Variants in AAK1 observed in about 807,000 individuals in gnomAD.
AAK1 encodes the protein AP2-associated protein kinase 1.
AAK1 carries 37 observed loss-of-function variants against 116.0 expected under a neutral mutation model. That is an observed-to-expected ratio of 0.32 (90% CI 0.25 to 0.42). The LOEUF (loss-of-function observed/expected upper bound fraction) is 0.42, where lower values mean the gene tolerates loss of function less well. Among genes scored for constraint, AAK1 ranks in the 10% least tolerant of loss-of-function variants. AAK1 has a pLI of 1.00. For synonymous variants in AAK1, 458 were observed against 439.9 expected, an observed-to-expected ratio of 1.04 and a Z score of -0.51; for missense variants, 919 against 1,170.6, an observed-to-expected ratio of 0.79 and a Z score of 3.14.
intron 2 of AAK1, chr2:69,597,212 A>T (rs1172855712): frequency 1.3e-5 from 2 of 151,948 alleles, no homozygotes; most frequent in East Asian, 3.9e-4. Context: ...TTTTGGTGGC[A>T]TTATTTTTGA....
chr2:69,604,611 CA>C (rs1673718545), intron 2 of AAK1, among the ~76,000 whole-genome samples: 1 of 152,182 alleles, frequency 6.6e-6, no homozygotes. Context: ...CGAGCTGACA[CA>C]GGGGTGGGAT....
At chr2:69,487,403 C>T (rs543081450) in intron 17 of AAK1, among the ~76,000 whole-genome samples, 1 of 152,274 alleles carries the variant, frequency 6.6e-6, no homozygotes, top group East Asian at 1.9e-4. Context: ...AAGAACAGCA[C>T]AGAGAAGAGA....
chr2:69,622,528 C>A (rs561367468), intron 2 of AAK1, among the ~76,000 whole-genome samples: 3 of 152,350 alleles, frequency 2.0e-5, no homozygotes, highest in East Asian at 3.9e-4. Context: ...ACTTGGAGAA[C>A]CTTTATGTCT....
chr2:69,529,254 G>A (rs72837953), intron 8 of AAK1, among the ~76,000 whole-genome samples: 13 of 152,262 alleles, frequency 8.5e-5, no homozygotes, highest in Non-Finnish European at 1.9e-4. Context: ...GTATCCCCAT[G>A]CAGGACCCAA....
At chr2:69,527,172 A>C in intron 9 of AAK1, 44 bp downstream of exon 9, 1 of 1,423,180 alleles carries the variant, frequency 7.0e-7, no homozygotes, top group South Asian at 1.2e-5. Flanking sequence ...TCAAAATGGC[A>C]ATTTGATAAT....
intron 2 of AAK1, among the ~76,000 whole-genome samples, chr2:69,616,655 A>G (rs1351746240): frequency 6.6e-6 from 1 of 152,204 alleles, no homozygotes; most frequent in African/African-American, 2.4e-5. Flanking sequence ...TGCCTGTAAT[A>G]GCCCTTTCCT....
chr2:69,623,815 G>T (rs1674774406), intron 2 of AAK1, among the ~76,000 whole-genome samples: 1 of 151,652 alleles, frequency 6.6e-6, no homozygotes, highest in South Asian at 2.1e-4. Context: ...ATACTTGATA[G>T]CACAAAAATT....
chr2:69,636,685 A>G (rs1227526642), intron 2 of AAK1, among the ~76,000 whole-genome samples: 2 of 151,626 alleles, frequency 1.3e-5, no homozygotes, highest in South Asian at 2.1e-4. Context: ...GCTATTTTAG[A>G]TAATTTATTT....
chr2:69,634,270 C>T (rs4852297), intron 2 of AAK1, among the ~76,000 whole-genome samples: 17,807 of 152,162 alleles, frequency 0.12, 2,347 homozygotes, highest in African/African-American at 0.31. Flanking sequence ...CTAGGAGCCT[C>T]GGGTTCAAGT....
chr2:69,576,763 A>G (rs934970670), intron 2 of AAK1, among the ~76,000 whole-genome samples: 1 of 152,198 alleles, frequency 6.6e-6, no homozygotes, highest in Non-Finnish European at 1.5e-5. Flanking sequence ...GCATTTCCGT[A>G]TATGCCTAGA....
intron 5 of AAK1, among the ~76,000 whole-genome samples, chr2:69,537,506 C>T (rs1446040258): frequency 2.6e-5 from 4 of 152,198 alleles, no homozygotes; most frequent in African/African-American, 7.2e-5. Context: ...TTTCCCTCAT[C>T]CTATTAACTT....
At chr2:69,539,734 T>G (rs1670624231) in intron 5 of AAK1, among the ~76,000 whole-genome samples, 1 of 152,146 alleles carries the variant, frequency 6.6e-6, no homozygotes, top group African/African-American at 2.4e-5. Flanking sequence ...CCACACACCT[T>G]GCTGTTCCCT....
At chr2:69,551,693 C>A (rs1021587064) in intron 3 of AAK1, among the ~76,000 whole-genome samples, 1 of 152,176 alleles carries the variant, frequency 6.6e-6, no homozygotes, top group African/African-American at 2.4e-5. Context: ...CCCTTTAGGT[C>A]TGAAGATAAT....
chr2:69,460,560 T>A lies in AAK1; in HGVS notation c.*15309A>T, dbSNP rs1425783278. 6.6e-6 allele frequency: 1 copy of A among 152,174 alleles called. No individual in the cohort carries two copies. The allele number at this position is 152,174 out of a possible 1,614,324, so 9.4% of individuals were successfully genotyped here. On this transcript the variant is annotated 3_prime_UTR_variant, in exon 22 of 22. Transcript: ENST00000409085. Reference sequence around the variant, plus strand: ...TCTTTCTAGAACGTTTAGAAAGAGATCTTAGTTGCCAGAGAAAACTCAGAT... The same window carrying A: ...TCTTTCTAGAACGTTTAGAAAGAGAACTTAGTTGCCAGAGAAAACTCAGAT...
chr2:69,472,541 G>T lies in AAK1; in HGVS notation c.*3328C>A. The stretch of plus-strand genomic sequence containing the variant: ...TAGATGTCAAAATTCTGATATGTCT[G>T]CTAAAGAAATCATTAATTATAATAA... On this transcript the variant is annotated 3_prime_UTR_variant, in exon 22 of 22. Coordinates refer to ENST00000409085, the MANE Select transcript of AAK1 (RefSeq NM_014911.5). 1 of 895,090 alleles carries T rather than the reference G, an allele frequency of 1.1e-6. No individual in the cohort carries two copies. Among genetic ancestry groups the T allele is most frequent in the Non-Finnish European group, 1.3e-6 (1 of 747,680 alleles). 55.4% of individuals were successfully genotyped at this position (895,090 alleles called of 1,614,324 possible).
At chr2:69,596,517 C>T (rs941391680) in intron 2 of AAK1, among the ~76,000 whole-genome samples, 5 of 152,092 alleles carry the variant, frequency 3.3e-5, no homozygotes, top group South Asian at 2.1e-4. Context: ...CCACCATGCC[C>T]GGGGAATTTT....
chr2:69,548,432 G>A (rs992036724), intron 3 of AAK1, among the ~76,000 whole-genome samples: 6 of 151,742 alleles, frequency 4.0e-5, no homozygotes, highest in African/African-American at 7.3e-5. Flanking sequence ...CTTTTCTTTC[G>A]TTTTCTTTGT....
At chr2:69,556,530 G>C (rs1204714118) in intron 3 of AAK1, among the ~76,000 whole-genome samples, 1 of 152,228 alleles carries the variant, frequency 6.6e-6, no homozygotes, top group Non-Finnish European at 1.5e-5. Flanking sequence ...ACCAGAAGAA[G>C]AGGCTCATTG....
At position 69,534,150 on chromosome 2, in the gene AAK1, C is replaced by T. The variant is rs146623526; in HGVS notation, c.535-1988G>A. ...TACATGGATTATCCCACTACATCCT[C>T]ATAATCCCAATATGATTATTATCCT... On this transcript the variant is annotated intron_variant, in intron 5 of 21. Coordinates refer to ENST00000409085, the MANE Select transcript of AAK1 (RefSeq NM_014911.5). Among the ~76,000 whole-genome samples, 315 of 152,340 alleles carry T rather than the reference C, an allele frequency of 2.1e-3. 1 individual carries two copies. The highest frequency in any genetic ancestry group is 7.4e-3 in the African/African-American group (308 of 41,576).
Sources: gnomAD v4.1 joint callset for allele counts (sites outside exome capture counted in the v4.1 genomes callset) on GRCh38, gnomAD v4.1.1 for gene constraint, MANE v1.5 for transcripts, NCBI Gene and HGNC (gene_info 2026-07-23, HGNC 2026-07-21) for gene names.